ZNF469: variants seen among roughly 807,000 people sequenced by gnomAD.
The protein encoded by ZNF469 is zinc finger protein 469.
A neutral mutation model predicts 1.0 loss-of-function variants in ZNF469; 1 was observed. That is an observed-to-expected ratio of 1.00 (90% CI 0.35 to 4.73). The LOEUF (loss-of-function observed/expected upper bound fraction) is 4.73. ZNF469 is among the 30% of genes most tolerant of loss of function. The probability of loss-of-function intolerance (pLI) is 0.16; values close to 1 mark genes in which losing one functional copy is unlikely to be tolerated. For missense variants in ZNF469, 6,100 were observed against 5,356.3 expected, an observed-to-expected ratio of 1.14 and a Z score of -4.33; for synonymous variants, 2,703 against 2,363.4, an observed-to-expected ratio of 1.14 and a Z score of -4.17.
At chr16:88,423,335 G>A (rs943873386) in intron 1 of ZNF469, among the ~76,000 whole-genome samples, 3 of 146,252 alleles carry the variant, frequency 2.1e-5, no homozygotes, top group African/African-American at 7.6e-5. Flanking sequence ...GGATGGGACA[G>A]TGTGGCAAAG....
At chr16:88,145,926 C>G in the ZNF469 span, among the ~76,000 whole-genome samples, 1 of 152,232 alleles carries the variant, frequency 6.6e-6, no homozygotes, top group African/African-American at 2.4e-5. Flanking sequence ...AGCGGTCCGG[C>G]CTCTGGGAAG....
At chr16:88,253,896 T>C in the ZNF469 span, among the ~76,000 whole-genome samples, 1 of 152,208 alleles carries the variant, frequency 6.6e-6, no homozygotes, top group South Asian at 2.1e-4. Context: ...AAGCAGTTCT[T>C]TATATTATTT....
chr16:88,245,208 A>T, the ZNF469 span, among the ~76,000 whole-genome samples: 2 of 152,218 alleles, frequency 1.3e-5, no homozygotes, highest in Non-Finnish European at 2.9e-5. Flanking sequence ...AGGTACAGTC[A>T]TGTGAGCCTG....
the ZNF469 span, among the ~76,000 whole-genome samples, chr16:88,267,677 G>C: frequency 2.0e-5 from 3 of 151,424 alleles, no homozygotes; most frequent in Non-Finnish European, 2.9e-5. Context: ...GGGGATAAGG[G>C]CTGAGTGGAA....
At chr16:88,307,350 C>T in the ZNF469 span, among the ~76,000 whole-genome samples, 3 of 152,202 alleles carry the variant, frequency 2.0e-5, no homozygotes, top group Non-Finnish European at 4.4e-5. Context: ...TCTCTAGAGT[C>T]CCCAGCTACA....
the ZNF469 span, among the ~76,000 whole-genome samples, chr16:88,198,272 G>A: frequency 6.6e-6 from 1 of 152,328 alleles, no homozygotes; most frequent in East Asian, 1.9e-4. Context: ...AGGGGCTTCT[G>A]TCTCAGATGT....
chr16:88,133,921 C>T, the ZNF469 span, among the ~76,000 whole-genome samples: 1 of 152,198 alleles, frequency 6.6e-6, no homozygotes, highest in East Asian at 1.9e-4. Context: ...TGGTGAAACC[C>T]TGTCTCTACT....
Position 88,434,309 on chromosome 16 carries a change from G to C in ZNF469, c.6839G>C (p.Ser2280Thr), listed in dbSNP as rs1421128987. Residue 2280 changes from serine (S) to threonine (T), a missense_variant, in exon 3 of 3, where the codon AGC becomes ACC. Ser to Thr is a moderately conservative substitution (Grantham distance 58). Coordinates refer to ENST00000565624, the MANE Select transcript of ZNF469 (RefSeq NM_001367624.2). ...SPPLAGAVSP[S>T]VAVRATGLSS... ...CCTCTGGCAGGGGCCGTCTCCCCCA[G>C]CGTGGCCGTCAGGGCTACTGGCCTG... The C allele has an allele frequency of 1.9e-6, 3 of 1,550,218 alleles. No homozygotes were observed. The highest frequency in any genetic ancestry group is 3.9e-5 in the Admixed American group (2 of 50,996).
the ZNF469 span, among the ~76,000 whole-genome samples, chr16:88,355,586 G>A: frequency 3.9e-5 from 6 of 152,358 alleles, no homozygotes; most frequent in African/African-American, 9.6e-5. Flanking sequence ...TCTCAGTGCT[G>A]GTGGTCAGAT....
At chr16:88,159,583 A>G in the ZNF469 span, among the ~76,000 whole-genome samples, 152,058 of 152,324 alleles carry the variant, frequency 1, 75,896 homozygotes, top group Middle Eastern at 1. Flanking sequence ...CCTTCCCCGC[A>G]TTCTCGTCTC....
the ZNF469 span, among the ~76,000 whole-genome samples, chr16:88,251,315 T>G: frequency 6.6e-6 from 1 of 152,242 alleles, no homozygotes; most frequent in Non-Finnish European, 1.5e-5. Context: ...CACTTCCCTG[T>G]TTTGTTGAAT....
chr16:88,204,142 C>A, the ZNF469 span, among the ~76,000 whole-genome samples: 2 of 151,632 alleles, frequency 1.3e-5, no homozygotes, highest in Non-Finnish European at 2.9e-5. Context: ...GCTCCGTAAC[C>A]CCATAGAGCA....
chr16:88,153,912 C>A, the ZNF469 span, among the ~76,000 whole-genome samples: 2 of 152,230 alleles, frequency 1.3e-5, no homozygotes, highest in African/African-American at 4.8e-5. Flanking sequence ...CCCAGTGGAT[C>A]AGGGCCCCAC....
At chr16:88,238,343 G>T in the ZNF469 span, among the ~76,000 whole-genome samples, 18 of 152,202 alleles carry the variant, frequency 1.2e-4, no homozygotes, top group Admixed American at 1.1e-3. Context: ...ACACACAGGG[G>T]TCCCTCCCTG....
chr16:88,245,868 C>T, the ZNF469 span, among the ~76,000 whole-genome samples: 1 of 152,266 alleles, frequency 6.6e-6, no homozygotes, highest in Non-Finnish European at 1.5e-5. Flanking sequence ...GGTGTGTGTC[C>T]CGGTGACAAA....
In ZNF469 at chr16:88,439,271, A is replaced by G. The variant is rs1324643578; in HGVS notation, c.11801A>G (p.Gln3934Arg). ...GAGGCCCAGAGTGACCTCCTCAGCC[A>G]GCTCTTCGGGCAGAGACTAACTGGC... ...TAEAQSDLLS[Q>R]LFGQRLTGFK... The change falls in exon 3 of 3, where the codon CAG becomes CGG. Residue 3934 changes from glutamine (Q) to arginine (R), a missense_variant. Transcript: ENST00000565624. 6.5e-7 allele frequency: 1 copy of G among 1,550,380 alleles called. No individual in the cohort carries two copies. Among genetic ancestry groups the G allele is most frequent in the Non-Finnish European group, 8.7e-7 (1 of 1,147,012 alleles).
chr16:88,434,596 G>A lies in ZNF469; in HGVS notation c.7126G>A (p.Glu2376Lys). 1.3e-6 allele frequency: 2 copies of A among 1,550,322 alleles called. No individual in the cohort carries two copies. The highest frequency in any genetic ancestry group is 1.7e-6 in the Non-Finnish European group (2 of 1,146,934). ...LEGEMGTSSK[E>K]PEDPGTPETG... ...AGGTGAGATGGGGACCAGCAGCAAG[G>A]AGCCGGAGGACCCAGGGACCCCTGA... Residue 2376 changes from glutamate to lysine, a missense_variant, in exon 3 of 3, where the codon GAG becomes AAG. By Grantham distance (56) the Glu-to-Lys change is moderately conservative. Coordinates refer to ENST00000565624, the MANE Select transcript of ZNF469 (RefSeq NM_001367624.2).
At chr16:88,377,655 A>C in the ZNF469 span, among the ~76,000 whole-genome samples, 2 of 145,176 alleles carry the variant, frequency 1.4e-5, no homozygotes, top group African/African-American at 2.6e-5. Flanking sequence ...TCCCTTCCTC[A>C]CTCCCCATCC....
chr16:88,166,772 AACAC>A, the ZNF469 span, among the ~76,000 whole-genome samples: 158 of 145,876 alleles, frequency 1.1e-3, no homozygotes, highest in Middle Eastern at 3.5e-3. This position sits in a 1 kb window ranked among gnomAD's most constrained non-coding sequence, Gnocchi z 4.5. Flanking sequence ...CAGAATCATA[AACAC>A]ACACACACAC....
Sources: gnomAD v4.1 joint callset for allele counts (sites outside exome capture counted in the v4.1 genomes callset) on GRCh38, gnomAD v4.1.1 for gene constraint, Gnocchi (gnomAD v3.1) non-coding constraint, MANE v1.5 for transcripts, NCBI Gene and HGNC (gene_info 2026-07-23, HGNC 2026-07-21) for gene names.